The following SYN3 variants were observed in gnomAD, a reference collection of about 807,000 sequenced individuals.
SYN3 encodes synapsin-3.
In SYN3, 35 loss-of-function variants were observed where a neutral mutation model predicts 65.8. That is an observed-to-expected ratio of 0.53 (90% CI 0.41 to 0.70). SYN3 has a LOEUF of 0.70. Among genes scored for constraint, SYN3 ranks in the 30% least tolerant of loss-of-function variants. SYN3 has a pLI of 0.00. For missense variants in SYN3, 680 were observed against 749.0 expected (o/e 0.91, Z 1.08); for synonymous variants, 270 against 292.9 (o/e 0.92, Z 0.80).
At chr22:32,716,482 GC>G (rs2061040552) in intron 6 of SYN3, among the ~76,000 whole-genome samples, 1 of 151,956 alleles carries the variant, frequency 6.6e-6, no homozygotes, top group Non-Finnish European at 1.5e-5. Flanking sequence ...TTACCCTAGG[GC>G]CCCATGTGGA....
intron 2 of SYN3, among the ~76,000 whole-genome samples, chr22:32,984,182 A>G (rs569787885): frequency 4.3e-4 from 56 of 131,474 alleles, no homozygotes; most frequent in African/African-American, 1.6e-3. Flanking sequence ...AAAAAAAAGA[A>G]AAAGAAAAAG....
rs139804755 is a variant in SYN3, at chr22:32,522,592, G to A, written c.1319-4258C>T. The stretch of plus-strand genomic sequence containing the variant: ...AACGGGGCACTGCATTAGTTACAAG[G>A]ATTGTTAATAATAAACATGAAAAGC... On this transcript the variant is annotated intron_variant, in intron 12 of 13. Transcript: ENST00000358763. Among the ~76,000 whole-genome samples the A allele has an allele frequency of 2.0e-4, 31 of 152,232 alleles. No individual in the cohort carries two copies. The East Asian group carries it at 4.4e-3, about 22-fold the overall frequency.
At chr22:32,850,602 T>C (rs2146251008) in intron 6 of SYN3, among the ~76,000 whole-genome samples, 1 of 151,776 alleles carries the variant, frequency 6.6e-6, no homozygotes, top group South Asian at 2.1e-4. Flanking sequence ...GGAACTAGAG[T>C]CAGGTTGGGA....
At chr22:32,687,442 G>C (rs1172587891) in intron 6 of SYN3, among the ~76,000 whole-genome samples, 2 of 54 alleles carry the variant, frequency 0.037, no homozygotes, top group East Asian at 0.33. Flanking sequence ...GGGATTACAG[G>C]CATGAGCACC....
intron 6 of SYN3, among the ~76,000 whole-genome samples, chr22:32,668,220 G>A (rs1016804606): frequency 1.3e-5 from 2 of 152,226 alleles, no homozygotes; most frequent in South Asian, 2.1e-4. Flanking sequence ...TACATGAAGA[G>A]TGTAAATTAG....
intron 6 of SYN3, among the ~76,000 whole-genome samples, chr22:32,686,520 GC>G (rs1229979210): frequency 6.6e-6 from 1 of 150,458 alleles, no homozygotes; most frequent in African/African-American, 2.5e-5. Flanking sequence ...CATTTGAAAT[GC>G]CTGCTCTAGA....
At chr22:32,749,714 T>C (rs188766481) in intron 6 of SYN3, among the ~76,000 whole-genome samples, 2 of 152,176 alleles carry the variant, frequency 1.3e-5, no homozygotes, top group African/African-American at 2.4e-5. Context: ...TCTACGGCAT[T>C]AGTCTTCTCT....
rs543103478 is a variant in SYN3 at position 33,012,227 on chromosome 22, A to G, written c.-162-5403T>C. Among the ~76,000 whole-genome samples, 7 of 152,262 alleles carry G rather than the reference A, an allele frequency of 4.6e-5. No homozygotes were observed. The South Asian group carries it at 1.5e-3, about 32-fold the overall frequency. ...TTCTGACATATTTTCATTATCATTC[A>G]TTTTAAATTATTCTGTTTATCCCTT... is the stretch of plus-strand genomic sequence containing the variant. On this transcript the variant is annotated intron_variant, in intron 1 of 13. Transcript: ENST00000358763.
intron 7 of SYN3, among the ~76,000 whole-genome samples, chr22:32,559,475 T>C (rs2058552169): frequency 6.6e-6 from 1 of 152,144 alleles, no homozygotes; most frequent in South Asian, 2.1e-4. Context: ...TTTTTAATTG[T>C]CTCGTTAAAA....
intron 4 of SYN3, among the ~76,000 whole-genome samples, chr22:32,872,574 C>A (rs1177433170): frequency 6.6e-6 from 1 of 152,174 alleles, no homozygotes; most frequent in Non-Finnish European, 1.5e-5. Context: ...CAGGCCAAAC[C>A]AGGCATGTGT....
chr22:33,054,355 T>C (rs1054376657), intron 1 of SYN3, among the ~76,000 whole-genome samples: 1 of 152,256 alleles, frequency 6.6e-6, no homozygotes, highest in Non-Finnish European at 1.5e-5. Context: ...GTCTCTGTTA[T>C]GTGAATAGTG....
At position 32,962,518 on chromosome 22, in the gene SYN3, C is replaced by A. The variant is rs573750016; in HGVS notation, c.369+18127G>T. The stretch of plus-strand genomic sequence containing the variant: ...GACTGAAAAGAAACCCAAAGCCACG[C>A]GGAAGCAGTATGATGGGGAGAGCAG... On this transcript the variant is annotated intron_variant, in intron 3 of 13. Transcript: ENST00000358763. Among the ~76,000 whole-genome samples the A allele has an allele frequency of 2.0e-5, 3 of 152,076 alleles. No homozygotes were observed. In the East Asian group the frequency reaches 5.8e-4, roughly 29 times the overall value.
rs778082624 is a variant in SYN3 at position 32,567,320 on chromosome 22, TCCTCCCTC to T, written c.775-25615_775-25608del. 6.5e-3 allele frequency among the ~76,000 whole-genome samples: 790 copies of T among 121,576 alleles called. 12 individuals are homozygous for T. Among genetic ancestry groups the T allele is most frequent in the African/African-American group, 0.024 (752 of 31,692 alleles). The allele number at this position is 121,576 out of a possible 152,430, so 79.8% of individuals were successfully genotyped here. A position where few individuals can be genotyped will look rare whatever the true frequency, so the allele number is the denominator to read the frequency against. The stretch of plus-strand genomic sequence containing the variant: ...AGGTGCAATAGAACGATGACGGAGA[TCCTCCCTC>T]CCTCCCTCCCTCCCTCCCTCCCTCC... On this transcript the variant is annotated intron_variant, in intron 7 of 13. Coordinates refer to ENST00000358763, the MANE Select transcript of SYN3 (RefSeq NM_003490.4).
intron 12 of SYN3, among the ~76,000 whole-genome samples, chr22:32,520,859 C>T (rs752309048): frequency 6.5e-4 from 99 of 152,140 alleles, no homozygotes; most frequent in African/African-American, 1.6e-3. Flanking sequence ...GCTGTGTGAC[C>T]GTGGGTAAGT....
intron 7 of SYN3, among the ~76,000 whole-genome samples, chr22:32,586,030 GTATATATGTA>G (rs1245277563): frequency 9.8e-6 from 1 of 101,866 alleles, no homozygotes; most frequent in Non-Finnish European, 1.8e-5. Flanking sequence ...ATGTATGTAT[GTATATATGTA>G]TATGTATATA....
chr22:32,664,610 T>TG (rs2060263400), intron 6 of SYN3, among the ~76,000 whole-genome samples: 1 of 127,318 alleles, frequency 7.9e-6, no homozygotes. Flanking sequence ...TTTTTTTTTT[T>TG]GACAGAGTCT....
intron 4 of SYN3, among the ~76,000 whole-genome samples, chr22:32,913,092 C>A (rs1343678490): frequency 6.6e-6 from 1 of 151,916 alleles, no homozygotes; most frequent in South Asian, 2.1e-4. Flanking sequence ...GGGGCAGAGG[C>A]CTATGCAAAC....
At chr22:32,744,578 G>C (rs1232769321) in intron 6 of SYN3, among the ~76,000 whole-genome samples, 1 of 152,196 alleles carries the variant, frequency 6.6e-6, no homozygotes, top group Non-Finnish European at 1.5e-5. Flanking sequence ...AGGTTAATAA[G>C]TAAGAGACGG....
intron 2 of SYN3, among the ~76,000 whole-genome samples, chr22:33,001,568 A>G (rs2053059698): frequency 6.6e-6 from 1 of 152,226 alleles, no homozygotes; most frequent in African/African-American, 2.4e-5. Context: ...GCATGAAGAA[A>G]TTAAACAGGC....
Sources: allele counts gnomAD v4.1 joint callset (sites outside exome capture counted in the v4.1 genomes callset), GRCh38; gene constraint gnomAD v4.1.1; transcripts MANE v1.5; gene names NCBI Gene and HGNC (gene_info 2026-07-23, HGNC 2026-07-21).